Variants in CNTN5 observed in about 807,000 individuals in gnomAD.
CNTN5 encodes contactin 5.
Under a neutral mutation model 129.1 loss-of-function variants are expected in CNTN5, and 77 were observed. That is an observed-to-expected ratio of 0.60 (90% CI 0.50 to 0.72). CNTN5 has a LOEUF of 0.72. CNTN5 is among the 30% of genes least tolerant of loss of function. The pLI, the probability that CNTN5 is intolerant of heterozygous loss-of-function variation, is 0.00. For synonymous variants in CNTN5, 509 were observed against 465.6 expected (o/e 1.09, Z -1.20); for missense variants, 1,478 against 1,328.8 (o/e 1.11, Z -1.75).
intron 16 of CNTN5, among the ~76,000 whole-genome samples, chr11:100,253,931 T>A (rs1950019266): frequency 6.6e-6 from 1 of 152,056 alleles, no homozygotes; most frequent in Non-Finnish European, 1.5e-5. Flanking sequence ...CTCTTATATT[T>A]TCCTCCCATA....
chr11:99,207,324 C>T (rs1324417422), intron 1 of CNTN5, among the ~76,000 whole-genome samples: 1 of 152,106 alleles, frequency 6.6e-6, no homozygotes, highest in Non-Finnish European at 1.5e-5. Flanking sequence ...CTGTACTGTG[C>T]TAATCTGAAA....
At chr11:99,619,892 G>A (rs1332605521) in intron 3 of CNTN5, among the ~76,000 whole-genome samples, 1 of 151,876 alleles carries the variant, frequency 6.6e-6, no homozygotes, top group Non-Finnish European at 1.5e-5. Flanking sequence ...CGGGCATGGT[G>A]GCGGGCGCCT....
At chr11:100,267,991 G>A (rs1182199562) in intron 17 of CNTN5, among the ~76,000 whole-genome samples, 1 of 152,068 alleles carries the variant, frequency 6.6e-6, no homozygotes, top group Non-Finnish European at 1.5e-5. Flanking sequence ...CTATTTGGGT[G>A]GTAAAACCAA....
intron 1 of CNTN5, among the ~76,000 whole-genome samples, chr11:99,209,626 A>C (rs1859664566): frequency 1.3e-5 from 2 of 152,212 alleles, no homozygotes; most frequent in African/African-American, 4.8e-5. Flanking sequence ...GAAGAGAACA[A>C]ACATCAAAAC....
chr11:100,096,387 TG>T (rs1945010430), intron 13 of CNTN5, among the ~76,000 whole-genome samples: 1 of 152,096 alleles, frequency 6.6e-6, no homozygotes, highest in Non-Finnish European at 1.5e-5. Flanking sequence ...AAAGGCCCAT[TG>T]TTCTGAGATT....
At chr11:99,411,727 G>C (rs1942403708) in intron 2 of CNTN5, among the ~76,000 whole-genome samples, 1 of 152,064 alleles carries the variant, frequency 6.6e-6, no homozygotes, top group Non-Finnish European at 1.5e-5. Context: ...GCCCTTGCCA[G>C]CAAAGATCTG....
chr11:99,623,093 C>G (rs1951008159), intron 3 of CNTN5, among the ~76,000 whole-genome samples: 1 of 151,968 alleles, frequency 6.6e-6, no homozygotes, highest in African/African-American at 2.4e-5. Flanking sequence ...TCAATGTAAC[C>G]TCTGTTTCAT....
intron 2 of CNTN5, among the ~76,000 whole-genome samples, chr11:99,382,949 C>G (rs1335770097): frequency 2.0e-5 from 3 of 146,882 alleles, no homozygotes; most frequent in Non-Finnish European, 4.5e-5. Context: ...CTCCGCCTCC[C>G]AGGTTCAAAC....
At chr11:100,011,225 G>A (rs1940511252) in intron 9 of CNTN5, among the ~76,000 whole-genome samples, 1 of 152,012 alleles carries the variant, frequency 6.6e-6, no homozygotes, top group South Asian at 2.1e-4. Flanking sequence ...ATTTCACCGT[G>A]TGACCTTTTA....
At chr11:100,004,677 T>C (rs997521055) in intron 9 of CNTN5, among the ~76,000 whole-genome samples, 3 of 152,136 alleles carry the variant, frequency 2.0e-5, no homozygotes, top group African/African-American at 7.2e-5. Flanking sequence ...AAGACATGTA[T>C]AAACTCCTGA....
intron 2 of CNTN5, among the ~76,000 whole-genome samples, chr11:99,371,748 C>T (rs1939838857): frequency 6.6e-6 from 1 of 151,950 alleles, no homozygotes; most frequent in Non-Finnish European, 1.5e-5. Context: ...ACTTTCTTTC[C>T]AAATGGTTTT....
chr11:99,325,049 GGTATAA>G (rs1250045676), intron 1 of CNTN5, among the ~76,000 whole-genome samples: 1 of 151,956 alleles, frequency 6.6e-6, no homozygotes, highest in East Asian at 1.9e-4. Flanking sequence ...TTGGAATGGT[GGTATAA>G]GTTAGTGTGT....
At chr11:99,589,580 A>C (rs534831405) in intron 3 of CNTN5, among the ~76,000 whole-genome samples, 1 of 152,344 alleles carries the variant, frequency 6.6e-6, no homozygotes, top group African/African-American at 2.4e-5. Context: ...TACACATGTT[A>C]GTTCAAGTCA....
intron 14 of CNTN5, among the ~76,000 whole-genome samples, chr11:100,191,490 G>A (rs1385574214): frequency 6.6e-6 from 1 of 152,048 alleles, no homozygotes; most frequent in Non-Finnish European, 1.5e-5. Context: ...AATAAAATTT[G>A]TGAGAGAATG....
intron 2 of CNTN5, among the ~76,000 whole-genome samples, chr11:99,495,955 C>G (rs1946208826): frequency 6.6e-6 from 1 of 152,096 alleles, no homozygotes; most frequent in Admixed American, 6.5e-5. Flanking sequence ...GCACCACTTA[C>G]TGACATGGGA....
intron 2 of CNTN5, among the ~76,000 whole-genome samples, chr11:99,481,645 T>C (rs540939856): frequency 6.6e-6 from 1 of 152,068 alleles, no homozygotes; most frequent in Non-Finnish European, 1.5e-5. Context: ...TCTTCAGGAG[T>C]TGGCCCTGCT....
At chr11:99,620,968 T>G in intron 3 of CNTN5, among the ~76,000 whole-genome samples, 1 of 131,534 alleles carries the variant, frequency 7.6e-6, no homozygotes, top group South Asian at 2.5e-4. Context: ...CAATGGATAC[T>G]TGTATGCCTA....
chr11:99,517,395 T>A (rs75407588), intron 2 of CNTN5, among the ~76,000 whole-genome samples: 9,998 of 152,140 alleles, frequency 0.066, 363 homozygotes, highest in African/African-American at 0.098. Context: ...ACATGACTCC[T>A]TTCCTTAATG....
intron 1 of CNTN5, among the ~76,000 whole-genome samples, chr11:99,191,685 T>A (rs1436625428): frequency 6.6e-6 from 1 of 151,598 alleles, no homozygotes; most frequent in African/African-American, 2.4e-5. Flanking sequence ...CACAAATACA[T>A]CACAATTAAA....
Sources: gnomAD v4.1 joint callset for allele counts (sites outside exome capture counted in the v4.1 genomes callset) on GRCh38, gnomAD v4.1.1 for gene constraint, MANE v1.5 for transcripts, NCBI Gene and HGNC (gene_info 2026-07-23, HGNC 2026-07-21) for gene names.